Variants in LRRTM4 observed in about 807,000 individuals in gnomAD.
The protein encoded by LRRTM4 is leucine rich repeat transmembrane neuronal 4.
In LRRTM4, 25 loss-of-function variants were observed where a neutral mutation model predicts 47.6. That is an observed-to-expected ratio of 0.53 (90% CI 0.38 to 0.73). The LOEUF (loss-of-function observed/expected upper bound fraction) is 0.73. Among genes scored for constraint, LRRTM4 ranks in the 30% least tolerant of loss-of-function variants. The probability of loss-of-function intolerance (pLI) is 0.00; values close to 1 mark genes in which losing one functional copy is unlikely to be tolerated. For synonymous variants in LRRTM4, 311 were observed against 269.5 expected, an observed-to-expected ratio of 1.15 and a Z score of -1.51; for missense variants, 638 against 713.4, an observed-to-expected ratio of 0.89 and a Z score of 1.20.
rs1459787676 is a variant in LRRTM4 at position 76,946,183 on chromosome 2, A to G, written c.1552-197267T>C. Among the ~76,000 whole-genome samples the G allele has an allele frequency of 2.0e-5, 3 of 152,016 alleles. No homozygotes were observed. The South Asian group carries it at 6.2e-4, about 31-fold the overall frequency. On this transcript the variant is annotated intron_variant, in intron 3 of 3. Coordinates refer to ENST00000409884, the MANE Select transcript of LRRTM4 (RefSeq NM_001134745.3). ...TCTGCAGAGTAAGTATTTCAAGGAA[A>G]TCACAGTCCTAATCATTCTAAATGG...
chr2:77,004,226 C>T (rs368563176), intron 3 of LRRTM4, among the ~76,000 whole-genome samples: 1 of 151,752 alleles, frequency 6.6e-6, no homozygotes, highest in Admixed American at 6.6e-5. Context: ...GCCAAGGTGA[C>T]AGTCCCCAAC....
chr2:76,904,113 G>C (rs1355828337), intron 3 of LRRTM4, among the ~76,000 whole-genome samples: 1 of 152,200 alleles, frequency 6.6e-6, no homozygotes, highest in Non-Finnish European at 1.5e-5. Flanking sequence ...GAGGAGAGAA[G>C]TTACTTCTCA....
At chr2:77,227,737 T>C (rs1047263604) in intron 3 of LRRTM4, among the ~76,000 whole-genome samples, 4 of 152,124 alleles carry the variant, frequency 2.6e-5, no homozygotes, top group African/African-American at 9.7e-5. Context: ...GTGGTCTGGC[T>C]AATTTTCAGT....
intron 3 of LRRTM4, among the ~76,000 whole-genome samples, chr2:76,759,559 G>C (rs551468137): frequency 1.3e-5 from 2 of 152,190 alleles, no homozygotes; most frequent in South Asian, 4.1e-4. Context: ...GAGAACTTTG[G>C]TGATTTTGTA....
At position 77,028,981 on chromosome 2, in the gene LRRTM4, G is replaced by T. The variant is rs530471660; in HGVS notation, c.1552-280065C>A. Among the ~76,000 whole-genome samples, 10 of 150,112 alleles carry T rather than the reference G, an allele frequency of 6.7e-5. No homozygotes were observed. In the South Asian group the frequency reaches 1.7e-3, roughly 25 times the overall value. ...ACCCGGGAGGCGGAGCTTGCAGTGAGCCAAGGTCACACCACTGCACTATAG... is the reference window on the plus strand; with the variant it reads ...ACCCGGGAGGCGGAGCTTGCAGTGATCCAAGGTCACACCACTGCACTATAG... On this transcript the variant is annotated intron_variant, in intron 3 of 3. Coordinates refer to ENST00000409884, the MANE Select transcript of LRRTM4 (RefSeq NM_001134745.3).
chr2:77,329,677 C>G (rs573086222), intron 3 of LRRTM4, among the ~76,000 whole-genome samples: 29 of 152,156 alleles, frequency 1.9e-4, no homozygotes, highest in African/African-American at 7.0e-4. Flanking sequence ...CAACACATGT[C>G]GCACATGGAC....
intron 3 of LRRTM4, among the ~76,000 whole-genome samples, chr2:77,337,569 G>A (rs1671212567): frequency 1.3e-5 from 2 of 151,956 alleles, no homozygotes. Flanking sequence ...AGATCTGGTG[G>A]TTTTATAAAG....
chr2:77,435,620 G>A (rs1573410946), intron 3 of LRRTM4, among the ~76,000 whole-genome samples: 2 of 152,096 alleles, frequency 1.3e-5, no homozygotes, highest in Admixed American at 1.3e-4. Flanking sequence ...AGGCTTTGAT[G>A]TGAGTAAGAA....
intron 3 of LRRTM4, among the ~76,000 whole-genome samples, chr2:77,243,729 TA>T (rs1197893475): frequency 6.6e-6 from 1 of 151,464 alleles, no homozygotes; most frequent in Non-Finnish European, 1.5e-5. Flanking sequence ...ATTTTATTTT[TA>T]AAAAGGGATA....
intron 3 of LRRTM4, among the ~76,000 whole-genome samples, chr2:76,989,497 G>C (rs555852720): frequency 1.3e-5 from 2 of 151,944 alleles, no homozygotes; most frequent in East Asian, 3.9e-4. Context: ...TACCAAAAAG[G>C]ATACTTTTGT....
intron 3 of LRRTM4, among the ~76,000 whole-genome samples, chr2:76,813,953 T>C (rs923248710): frequency 2.6e-5 from 4 of 152,200 alleles, no homozygotes; most frequent in Non-Finnish European, 4.4e-5. Context: ...TATCTAATTT[T>C]ATTTTCCTGT....
At chr2:77,059,097 T>C (rs1488971196) in intron 3 of LRRTM4, among the ~76,000 whole-genome samples, 2 of 152,302 alleles carry the variant, frequency 1.3e-5, no homozygotes, top group African/African-American at 4.8e-5. Flanking sequence ...TCCTTTGTTA[T>C]CTGCTAAACT....
At chr2:77,445,975 C>G (rs572589610) in intron 3 of LRRTM4, among the ~76,000 whole-genome samples, 3 of 151,876 alleles carry the variant, frequency 2.0e-5, no homozygotes, top group Non-Finnish European at 4.4e-5. Context: ...CTTTATTTTC[C>G]TAAGTGAGAT....
At chr2:77,152,129 A>G (rs954839826) in intron 3 of LRRTM4, among the ~76,000 whole-genome samples, 2 of 152,154 alleles carry the variant, frequency 1.3e-5, no homozygotes, top group Non-Finnish European at 2.9e-5. Flanking sequence ...CCTTCTGGTA[A>G]TTATGAAAGG....
chr2:77,202,054 C>A (rs1303866511), intron 3 of LRRTM4, among the ~76,000 whole-genome samples: 3 of 152,108 alleles, frequency 2.0e-5, no homozygotes, highest in Non-Finnish European at 4.4e-5. Context: ...TGTGCAGGTG[C>A]TCTCTGAATT....
At chr2:77,520,400 T>A (rs1679437561) in intron 2 of LRRTM4, among the ~76,000 whole-genome samples, 2 of 152,014 alleles carry the variant, frequency 1.3e-5, no homozygotes, top group African/African-American at 4.8e-5. Context: ...CATAATAGGA[T>A]CGCAATATGT....
intron 3 of LRRTM4, among the ~76,000 whole-genome samples, chr2:77,225,385 A>G (rs1019649179): frequency 6.6e-6 from 1 of 151,016 alleles, no homozygotes; most frequent in African/African-American, 2.4e-5. Context: ...AAAAAAAAAG[A>G]CCCATAACTA....
At chr2:76,772,375 G>A (rs112451646) in intron 3 of LRRTM4, among the ~76,000 whole-genome samples, 1,885 of 152,200 alleles carry the variant, frequency 0.012, 20 homozygotes, top group Non-Finnish European at 0.016. Context: ...AGCCTGAACA[G>A]ACTAAGAAAA....
chr2:76,914,504 T>C (rs985234809), intron 3 of LRRTM4, among the ~76,000 whole-genome samples: 2 of 152,058 alleles, frequency 1.3e-5, no homozygotes, highest in Non-Finnish European at 2.9e-5. Context: ...GTTTATGTAA[T>C]AAAATAAAAT....
Sources: gnomAD v4.1 joint callset for allele counts (sites outside exome capture counted in the v4.1 genomes callset) on GRCh38, gnomAD v4.1.1 for gene constraint, MANE v1.5 for transcripts, NCBI Gene and HGNC (gene_info 2026-07-23, HGNC 2026-07-21) for gene names.